NID1: variants seen among roughly 807,000 people sequenced by gnomAD.
NID1 encodes nidogen-1.
A neutral mutation model predicts 130.6 loss-of-function variants in NID1; 76 were observed. The observed-to-expected ratio is 0.58, with a 90% CI of 0.48 to 0.70. The LOEUF is 0.70. Ranked by LOEUF, NID1 falls within the 30% of genes least tolerant of loss-of-function variation. The pLI is 0.00. For synonymous variants in NID1, 665 were observed against 675.1 expected, an observed-to-expected ratio of 0.98 and a Z score of 0.23; for missense variants, 1,517 against 1,664.8, an observed-to-expected ratio of 0.91 and a Z score of 1.54.
chr1:236,041,881 G>C, intron 4 of NID1, 29 bp downstream of exon 4: 1 of 1,578,780 alleles, frequency 6.3e-7, no homozygotes, highest in Non-Finnish European at 8.6e-7. Flanking sequence ...ATCCAAGATC[G>C]TTACCAACTG....
In NID1 at chr1:236,032,286, C is replaced by A. The variant is rs537552577; in HGVS notation, c.1537+115G>T. ...TGCCCTGTCTACAGACAAAAAGGAG[C>A]AACAACATGCTTCTAAGTTGTCTGC... On this transcript the variant is annotated intron_variant, in intron 6 of 19. Transcript: ENST00000264187. The A allele has an allele frequency of 3.8e-6, 5 of 1,331,868 alleles. No individual in the cohort carries two copies. The South Asian group carries it at 7.0e-5, about 19-fold the overall frequency. The allele number at this position is 1,331,868 out of a possible 1,614,324, so 82.5% of individuals were successfully genotyped here.
In NID1 at chr1:236,024,055, A is replaced by T. The variant is rs1658851108; in HGVS notation, c.2128+15T>A. The T allele has an allele frequency of 8.7e-6, 14 of 1,613,064 alleles. No individual in the cohort carries two copies. The highest frequency in any genetic ancestry group is 1.2e-5 in the Non-Finnish European group (14 of 1,179,648). On this transcript the variant is annotated intron_variant, in intron 9 of 19. Coordinates refer to ENST00000264187, the MANE Select transcript of NID1 (RefSeq NM_002508.3). Reference sequence around the variant, plus strand: ...TGATTTCCCAGCCCCAACAAGTCAGAATCAAAGGCTGTACCATAGCAGGTT... The same window carrying T: ...TGATTTCCCAGCCCCAACAAGTCAGTATCAAAGGCTGTACCATAGCAGGTT...
intron 5 of NID1, among the ~76,000 whole-genome samples, chr1:236,035,241 G>T (rs2102833977): frequency 9.5e-6 from 1 of 105,188 alleles, no homozygotes; most frequent in African/African-American, 4.0e-5. Flanking sequence ...AGAATATGCG[G>T]TGTTTGGTTT....
In NID1 at chr1:235,993,870, C is replaced by T. The variant is rs2102801853; in HGVS notation, c.2530G>A (p.Val844Met). The change falls in exon 13 of 20, where the codon GTG becomes ATG. Residue 844 changes from valine to methionine, a missense_variant and splice_region_variant. This residue lies in a region of NID1 where 1,329 missense variants were observed against 1,429.2 expected (regional missense o/e 0.93). Transcript: ENST00000264187. ...GDGFRCVPGEVEKTRCQHERE... is the reference protein window; with the variant it reads ...GDGFRCVPGEMEKTRCQHERE... ...TCGTGCTGGCACCGGGTTTTCTCCA[C>T]CTCTATCAGAGAAACAGGCAACAAG... 2 of 1,609,082 alleles carry T rather than the reference C, an allele frequency of 1.2e-6. No homozygotes were observed. The highest frequency in any genetic ancestry group is 2.2e-5 in the East Asian group (1 of 44,706).
intron 14 of NID1, among the ~76,000 whole-genome samples, chr1:235,989,714 T>C (rs11584709): frequency 0.053 from 8,009 of 152,334 alleles, 270 homozygotes; most frequent in Middle Eastern, 0.086. Flanking sequence ...GTGGCTGCTG[T>C]CTGGACAGGG....
In NID1 at chr1:235,979,946, C is replaced by T; in HGVS notation, c.3386-1G>A. The T allele has an allele frequency of 1.9e-6, 3 of 1,613,974 alleles. No individual in the cohort carries two copies. The highest frequency in any genetic ancestry group is 1.1e-5 in the South Asian group (1 of 91,060). ...TTCAGGCATTCCGCCCGATTGGTGC[C>T]TGTGTGGAGTGGAAACAATTCATTC... On this transcript the variant is annotated splice_acceptor_variant, in intron 17 of 19. Transcript: ENST00000264187. LOFTEE classifies it high-confidence loss of function. The surrounding 1 kb of genome is among the most constrained non-coding windows in gnomAD (Gnocchi z 4.6).
intron 12 of NID1, among the ~76,000 whole-genome samples, chr1:236,003,412 C>G (rs1455986033): frequency 6.6e-6 from 1 of 152,218 alleles, no homozygotes; most frequent in Non-Finnish European, 1.5e-5. Context: ...TATCTAGTCT[C>G]TCTAACCCCC....
chr1:236,064,616 A>G, intron 1 of NID1: 1 of 528,082 alleles, frequency 1.9e-6, no homozygotes, highest in Non-Finnish European at 3.4e-6. Flanking sequence ...TGCCGGGGTC[A>G]CGGCCCGGGG....
intron 12 of NID1, among the ~76,000 whole-genome samples, chr1:236,004,265 G>C (rs1658178765): frequency 6.6e-6 from 1 of 152,088 alleles, no homozygotes; most frequent in South Asian, 2.1e-4. Context: ...CCCATGGGTA[G>C]CATTTACAAA....
At chr1:236,017,419 C>T (rs1170779187) in intron 9 of NID1, 146 bp from the exon 10 acceptor site, 3 of 880,384 alleles carry the variant, frequency 3.4e-6, no homozygotes, top group Non-Finnish European at 4.9e-6. Context: ...GAGTCTTGCT[C>T]TGTCGCCCAG....
chr1:236,031,255 ACTGCAGGTG>A (rs1312084279), intron 6 of NID1, among the ~76,000 whole-genome samples: 2 of 151,882 alleles, frequency 1.3e-5, no homozygotes, highest in Non-Finnish European at 2.9e-5. Context: ...AGTAGCTGGG[ACTGCAGGTG>A]CCCGCCACCA....
intron 3 of NID1, among the ~76,000 whole-genome samples, chr1:236,043,826 A>C (rs201733387): frequency 6.6e-6 from 1 of 152,112 alleles, no homozygotes; most frequent in East Asian, 1.9e-4. Context: ...ACAAAAAAAG[A>C]AATCCCAACT....
At chr1:236,034,995 T>C (rs919130568) in intron 5 of NID1, among the ~76,000 whole-genome samples, 3 of 101,668 alleles carry the variant, frequency 3.0e-5, no homozygotes, top group African/African-American at 2.0e-4. Context: ...TTTCTTTCTT[T>C]CTTTTTTTTT....
In NID1 at chr1:235,976,443, C is replaced by T. The variant is rs560259626; in HGVS notation, c.*1424G>A. On this transcript the variant is annotated 3_prime_UTR_variant, in exon 20 of 20. Transcript: ENST00000264187. Reference sequence around the variant, plus strand: ...TGTTCTTAAATTCCTTCCCCTACCACTTCCTCTTGGGCTTTTTTATTTCTC... The same window carrying T: ...TGTTCTTAAATTCCTTCCCCTACCATTTCCTCTTGGGCTTTTTTATTTCTC... 6 of 152,358 alleles carry T rather than the reference C, an allele frequency of 3.9e-5. No individual in the cohort carries two copies. Among genetic ancestry groups the T allele is most frequent in the African/African-American group, 1.4e-4 (6 of 41,590 alleles). 9.4% of individuals were successfully genotyped at this position (152,358 alleles called of 1,614,324 possible). A position where few individuals can be genotyped will look rare whatever the true frequency, so the allele number is the denominator to read the frequency against.
rs116032307 is a variant in NID1 at position 236,021,413 on chromosome 1, C to T, written c.2128+2657G>A. ...AAACATACAGCCTGCACTATGCGCA[C>T]AAGTTCCTGCCCTCCAGTATTTCAG... On this transcript the variant is annotated intron_variant, in intron 9 of 19. Transcript: ENST00000264187. Among the ~76,000 whole-genome samples, 607 of 152,338 alleles carry T rather than the reference C, an allele frequency of 4.0e-3. 4 individuals carry two copies. The highest frequency in any genetic ancestry group is 0.014 in the African/African-American group (589 of 41,570).
Position 236,017,253 on chromosome 1 carries a change from G to T in NID1, c.2149C>A (p.Gln717Lys), listed in dbSNP as rs1033942751. ...TCYDIDECSE[Q>K]PSVCGSHTIC... ...GTGTGGCTCCCACACACTGAGGGTT[G>T]TTCTGAACATTCATCAATATCTGCA... Residue 717 changes from glutamine to lysine, a missense_variant, in exon 10 of 20, where the codon CAA (glutamine) becomes AAA (lysine). Transcript: ENST00000264187. 2 of 1,613,910 alleles carry T rather than the reference G, an allele frequency of 1.2e-6. No homozygotes were observed. Among genetic ancestry groups the T allele is most frequent in the Non-Finnish European group, 1.7e-6 (2 of 1,179,968 alleles).
chr1:236,054,264 C>T (rs1001722644), intron 1 of NID1, among the ~76,000 whole-genome samples: 6 of 152,150 alleles, frequency 3.9e-5, no homozygotes, highest in East Asian at 1.9e-4. Context: ...GAGAGCAGCC[C>T]GGCCAACATG....
rs367954521 is a variant in NID1, at chr1:235,993,633, G to C, written c.2755+12C>G. 1.3e-6 allele frequency: 2 copies of C among 1,525,488 alleles called. No homozygotes were observed. Among genetic ancestry groups the C allele is most frequent in the African/African-American group, 1.4e-5 (1 of 71,462 alleles). 94.5% of individuals were successfully genotyped at this position (1,525,488 alleles called of 1,614,324 possible). A position where few individuals can be genotyped will look rare whatever the true frequency, so the allele number is the denominator to read the frequency against. ...TCAGGCACACGCCCAAGCACGGCCTGCACCCACTTACACGGGGGCGTCATC... is the reference window on the plus strand; with the variant it reads ...TCAGGCACACGCCCAAGCACGGCCTCCACCCACTTACACGGGGGCGTCATC... On this transcript the variant is annotated intron_variant, in intron 13 of 19. Coordinates refer to ENST00000264187, the MANE Select transcript of NID1 (RefSeq NM_002508.3).
chr1:236,032,788 T>C, intron 5 of NID1, 136 bp from the exon 6 acceptor site: 1 of 1,192,922 alleles, frequency 8.4e-7, no homozygotes, highest in Non-Finnish European at 1.1e-6. Flanking sequence ...TGGCTTTGGG[T>C]AAGCAAAAGC....
Sources: gnomAD v4.1 joint callset for allele counts (sites outside exome capture counted in the v4.1 genomes callset) on GRCh38, gnomAD v4.1.1 for gene constraint, gnomAD v4.1.1 regional missense constraint, Gnocchi (gnomAD v3.1) non-coding constraint, MANE v1.5 for transcripts, NCBI Gene and HGNC (gene_info 2026-07-23, HGNC 2026-07-21) for gene names.